The following ANKS1B variants were observed in gnomAD, a reference collection of about 807,000 sequenced individuals.
ANKS1B encodes ankyrin repeat and sterile alpha motif domain containing 1B.
ANKS1B carries 36 observed loss-of-function variants against 148.3 expected under a neutral mutation model. The ratio of observed to expected loss-of-function variants is 0.24; its 90% CI spans 0.19 to 0.32. The LOEUF (loss-of-function observed/expected upper bound fraction) is 0.32. ANKS1B is among the 10% of genes least tolerant of loss of function. The pLI is 1.00. For synonymous variants in ANKS1B, 542 were observed against 560.8 expected (o/e 0.97, Z 0.47); for missense variants, 1,157 against 1,542.6 (o/e 0.75, Z 4.19).
At chr12:99,558,654 T>TGCCA (rs2097302632) in intron 9 of ANKS1B, among the ~76,000 whole-genome samples, 1 of 152,182 alleles carries the variant, frequency 6.6e-6, no homozygotes, top group South Asian at 2.1e-4. Context: ...TGGTTGGGCT[T>TGCCA]GCCAGGCTGC....
intron 9 of ANKS1B, among the ~76,000 whole-genome samples, chr12:99,567,507 C>T (rs539975528): frequency 1.3e-5 from 2 of 152,112 alleles, no homozygotes; most frequent in South Asian, 4.2e-4. Context: ...TTCTAAAATA[C>T]ATCCATATGG....
At chr12:99,753,157 A>G (rs1011506020) in intron 8 of ANKS1B, among the ~76,000 whole-genome samples, 46 of 152,244 alleles carry the variant, frequency 3.0e-4, no homozygotes, top group African/African-American at 9.6e-4. Flanking sequence ...GAGAGTCTCC[A>G]TCTGTTCAAA....
intron 10 of ANKS1B, among the ~76,000 whole-genome samples, chr12:99,477,668 A>G (rs1340597685): frequency 6.6e-6 from 1 of 152,218 alleles, no homozygotes; most frequent in Admixed American, 6.5e-5. Context: ...AAAATTCTCA[A>G]TGATATCCAT....
chr12:99,192,831 T>C (rs1472834043), intron 14 of ANKS1B, among the ~76,000 whole-genome samples: 1 of 152,044 alleles, frequency 6.6e-6, no homozygotes, highest in African/African-American at 2.4e-5. Context: ...ATTAAGAAGA[T>C]TATCTCTGTT....
intron 16 of ANKS1B, among the ~76,000 whole-genome samples, chr12:99,064,877 A>C (rs1040572490): frequency 6.6e-5 from 10 of 152,200 alleles, no homozygotes; most frequent in Non-Finnish European, 1.5e-4. Context: ...AAATTTAATA[A>C]GAGGAAATGT....
chr12:99,824,846 G>A (rs1294340632), intron 2 of ANKS1B, among the ~76,000 whole-genome samples: 1 of 152,146 alleles, frequency 6.6e-6, no homozygotes, highest in Non-Finnish European at 1.5e-5. Flanking sequence ...GAATGACAAA[G>A]ATAAAACATT....
intron 14 of ANKS1B, among the ~76,000 whole-genome samples, chr12:99,171,725 A>G (rs1366390228): frequency 6.6e-6 from 1 of 152,204 alleles, no homozygotes; most frequent in East Asian, 1.9e-4. Flanking sequence ...TATAGGCCAT[A>G]CCTGATTGGA....
chr12:98,935,135 A>G (rs968631743), intron 17 of ANKS1B, among the ~76,000 whole-genome samples: 1 of 152,122 alleles, frequency 6.6e-6, no homozygotes, highest in African/African-American at 2.4e-5. Context: ...CTTAATTATA[A>G]TATGTTGAAG....
At chr12:99,888,547 C>T (rs184117417) in intron 1 of ANKS1B, among the ~76,000 whole-genome samples, 1 of 152,236 alleles carries the variant, frequency 6.6e-6, no homozygotes. Flanking sequence ...AAGCCACTAC[C>T]AGAAATACAC....
intron 12 of ANKS1B, among the ~76,000 whole-genome samples, chr12:99,397,225 C>T (rs915228429): frequency 6.6e-6 from 1 of 152,146 alleles, no homozygotes; most frequent in South Asian, 2.1e-4. Flanking sequence ...ATCTGCCAGG[C>T]ACTGTGTTAG....
At chr12:98,892,793 A>C (rs1386111778) in intron 17 of ANKS1B, among the ~76,000 whole-genome samples, 2 of 152,200 alleles carry the variant, frequency 1.3e-5, no homozygotes, top group Non-Finnish European at 2.9e-5. Context: ...TAGAGGCAAA[A>C]CACTGTTTTC....
chr12:98,895,019 C>T (rs986012030), intron 17 of ANKS1B: 16 of 848,334 alleles, frequency 1.9e-5, no homozygotes, highest in African/African-American at 5.6e-5. Context: ...GCGTCCTCCC[C>T]CGAACGCCGT....
At position 99,984,837 on chromosome 12, in the gene ANKS1B, G is replaced by A. The variant is rs1198961711; in HGVS notation, c.-600C>T. 6.8e-6 allele frequency among the ~76,000 whole-genome samples: 1 copy of A among 146,378 alleles called. No homozygotes were observed. Among genetic ancestry groups the A allele is most frequent in the Non-Finnish European group, 1.5e-5 (1 of 65,862 alleles). On this transcript the variant is annotated 5_prime_UTR_variant, in exon 1 of 27. Coordinates refer to ENST00000683438, the MANE Select transcript of ANKS1B (RefSeq NM_001352186.2). ...GCGGTGGGGGGCAGCCGCAGCGGGCGCGTGCCGAGGGCGGCGGCGGCGGCG... is the reference window on the plus strand; with the variant it reads ...GCGGTGGGGGGCAGCCGCAGCGGGCACGTGCCGAGGGCGGCGGCGGCGGCG...
Position 99,934,867 on chromosome 12 carries a change from T to C in ANKS1B, c.134+49237A>G, listed in dbSNP as rs2094718690. 2.0e-5 allele frequency among the ~76,000 whole-genome samples: 3 copies of C among 152,116 alleles called. No homozygotes were observed. In the South Asian group the frequency reaches 6.2e-4, roughly 31 times the overall value. On this transcript the variant is annotated intron_variant, in intron 1 of 26. Coordinates refer to ENST00000683438, the MANE Select transcript of ANKS1B (RefSeq NM_001352186.2). The stretch of plus-strand genomic sequence containing the variant: ...AGGAGGGAGGAGATATGTACATAAA[T>C]GCTTGTCTAAGTATAGAATCTCTAC...
intron 17 of ANKS1B, among the ~76,000 whole-genome samples, chr12:99,044,209 T>TA (rs1223992673): frequency 6.6e-6 from 1 of 151,862 alleles, no homozygotes; most frequent in East Asian, 1.9e-4. Context: ...ATAGCTGGAT[T>TA]AAAATTTTTT....
chr12:99,424,694 A>T lies in ANKS1B; in HGVS notation c.1575+18979T>A, dbSNP rs138111488. ...AAAATTTTAACTTGTCTATCTATCT[A>T]TCTGTCATCTATCTGTCTGTCTGTC... is the stretch of plus-strand genomic sequence containing the variant. On this transcript the variant is annotated intron_variant, in intron 11 of 26. Transcript: ENST00000683438. 8.7e-3 allele frequency among the ~76,000 whole-genome samples: 1,325 copies of T among 151,470 alleles called. 21 individuals are homozygous for T. Among genetic ancestry groups the T allele is most frequent in the Non-Finnish European group, 0.014 (968 of 67,712 alleles).
intron 10 of ANKS1B, among the ~76,000 whole-genome samples, chr12:99,446,647 A>T (rs2152806096): frequency 6.6e-6 from 1 of 152,180 alleles, no homozygotes; most frequent in African/African-American, 2.4e-5. Context: ...CATAGGTATG[A>T]TTGGGTTCAT....
chr12:99,972,767 T>C (rs1030098505), intron 1 of ANKS1B, among the ~76,000 whole-genome samples: 6 of 152,114 alleles, frequency 3.9e-5, no homozygotes, highest in African/African-American at 1.4e-4. Context: ...AACAGCCTTC[T>C]ATTGGAAGAA....
chr12:99,479,789 AGAG>A (rs1454306051), intron 10 of ANKS1B, among the ~76,000 whole-genome samples: 1 of 151,992 alleles, frequency 6.6e-6, no homozygotes, highest in South Asian at 2.1e-4. Context: ...AGTTGCAGTT[AGAG>A]GAGAGGATTA....
Sources: gnomAD v4.1 joint callset for allele counts (sites outside exome capture counted in the v4.1 genomes callset) on GRCh38, gnomAD v4.1.1 for gene constraint, MANE v1.5 for transcripts, NCBI Gene and HGNC (gene_info 2026-07-23, HGNC 2026-07-21) for gene names.